The following PODXL variants were observed in gnomAD, a reference collection of about 807,000 sequenced individuals.
The protein encoded by PODXL is podocalyxin.
Under a neutral mutation model 48.9 loss-of-function variants are expected in PODXL, and 20 were observed. The observed-to-expected ratio is 0.41, with a 90% CI of 0.29 to 0.59. PODXL has a LOEUF of 0.59. Ranked by LOEUF, PODXL falls within the 20% of genes least tolerant of loss-of-function variation. The pLI is 0.31. For synonymous variants in PODXL, 295 were observed against 287.4 expected, an observed-to-expected ratio of 1.03 and a Z score of -0.27; for missense variants, 606 against 675.1, an observed-to-expected ratio of 0.90 and a Z score of 1.13.
intron 1 of PODXL, among the ~76,000 whole-genome samples, chr7:131,533,694 A>G (rs1444874836): frequency 6.6e-6 from 1 of 152,178 alleles, no homozygotes; most frequent in Non-Finnish European, 1.5e-5. Flanking sequence ...GGAGCAGGGC[A>G]CAGCACCCAA....
At chr7:131,544,850 C>G (rs181882258) in intron 1 of PODXL, among the ~76,000 whole-genome samples, 1 of 152,278 alleles carries the variant, frequency 6.6e-6, no homozygotes, top group East Asian at 1.9e-4. Flanking sequence ...CCACCAACTC[C>G]CAGGAACAAT....
At chr7:131,519,879 C>T (rs373751814) in intron 1 of PODXL, among the ~76,000 whole-genome samples, 2 of 152,022 alleles carry the variant, frequency 1.3e-5, no homozygotes, top group Non-Finnish European at 2.9e-5. Context: ...TGTACCACCA[C>T]GCTCAGCTAA....
In PODXL at chr7:131,530,990, G is replaced by A. The variant is rs375120415; in HGVS notation, c.101-19557C>T. ...GGAGAATCGCTTGAACCCGGGAGGCGGAGATTGCAGTGAGCCAAGATCGCA... is the reference window on the plus strand; with the variant it reads ...GGAGAATCGCTTGAACCCGGGAGGCAGAGATTGCAGTGAGCCAAGATCGCA... On this transcript the variant is annotated intron_variant, in intron 1 of 8. Transcript: ENST00000378555. Among the ~76,000 whole-genome samples the A allele has an allele frequency of 5.9e-5, 9 of 152,148 alleles. 1 individual carries two copies. Among genetic ancestry groups the A allele is most frequent in the Admixed American group, 1.3e-4 (2 of 15,292 alleles).
rs543890242 is a variant in PODXL at position 131,523,796 on chromosome 7, C to A, written c.101-12363G>T. On this transcript the variant is annotated intron_variant, in intron 1 of 8. Transcript: ENST00000378555. ...TTATATTTGCAGAAAAATCATCTAACAAATTTTTTTTTTTTTGAGATGGAG... is the reference window on the plus strand; with the variant it reads ...TTATATTTGCAGAAAAATCATCTAAAAAATTTTTTTTTTTTTGAGATGGAG... Among the ~76,000 whole-genome samples, 455 of 140,742 alleles carry A rather than the reference C, an allele frequency of 3.2e-3. 4 individuals are homozygous for A. Among genetic ancestry groups the A allele is most frequent in the South Asian group, 0.023 (105 of 4,470 alleles). 92.3% of individuals were successfully genotyped at this position (140,742 alleles called of 152,430 possible). A position where few individuals can be genotyped will look rare whatever the true frequency, so the allele number is the denominator to read the frequency against.
intron 1 of PODXL, among the ~76,000 whole-genome samples, chr7:131,519,729 T>A (rs1301424188): frequency 2.6e-5 from 4 of 152,134 alleles, no homozygotes; most frequent in Admixed American, 2.6e-4. Context: ...CAAATTTCTT[T>A]CTTTTTTTTA....
At chr7:131,530,840 C>T (rs1798267876) in intron 1 of PODXL, among the ~76,000 whole-genome samples, 1 of 151,786 alleles carries the variant, frequency 6.6e-6, no homozygotes, top group Non-Finnish European at 1.5e-5. Flanking sequence ...GGGTGGATCA[C>T]CTGAGGTCGG....
intron 1 of PODXL, among the ~76,000 whole-genome samples, chr7:131,525,561 T>C (rs1157643047): frequency 2.6e-5 from 4 of 151,264 alleles, no homozygotes; most frequent in Admixed American, 6.6e-5. Flanking sequence ...GATCGTGCCA[T>C]TGCATTCTAG....
rs1384797384 is a variant in PODXL, at chr7:131,502,251, A to G, written c.*2060T>C. ...AGCGCTGGGCAAGAAGGAAGCAAAC[A>G]CCTCACTCAAGCCTAACAAGATTTC... On this transcript the variant is annotated 3_prime_UTR_variant, in exon 9 of 9. Transcript: ENST00000378555. 1 of 152,122 alleles carries G rather than the reference A, an allele frequency of 6.6e-6. No homozygotes were observed. The highest frequency in any genetic ancestry group is 1.9e-4 in the East Asian group (1 of 5,186). 9.4% of individuals were successfully genotyped at this position (152,122 alleles called of 1,614,324 possible). A position where few individuals can be genotyped will look rare whatever the true frequency, so the allele number is the denominator to read the frequency against.
At chr7:131,542,273 C>T (rs1798495845) in intron 1 of PODXL, among the ~76,000 whole-genome samples, 1 of 152,202 alleles carries the variant, frequency 6.6e-6, no homozygotes, top group Non-Finnish European at 1.5e-5. Context: ...AGTCTGGCTA[C>T]CCTGCAAGGT....
At chr7:131,553,568 C>T (rs1015283340) in intron 1 of PODXL, among the ~76,000 whole-genome samples, 1 of 152,204 alleles carries the variant, frequency 6.6e-6, no homozygotes, top group Non-Finnish European at 1.5e-5. Flanking sequence ...TCATAGCAAC[C>T]CACAAGGTAG....
In PODXL at chr7:131,501,167, A is replaced by G. The variant is rs1797695916; in HGVS notation, c.*3144T>C. On this transcript the variant is annotated 3_prime_UTR_variant, in exon 9 of 9. Transcript: ENST00000378555. The stretch of plus-strand genomic sequence containing the variant: ...TACTTTATCATAAGTTTGTCTTGTT[A>G]TATTTCATTTTTTGTTTAAAAAAAA... 1 of 152,398 alleles carries G rather than the reference A, an allele frequency of 6.6e-6. No individual in the cohort carries two copies. The highest frequency in any genetic ancestry group is 1.5e-5 in the Non-Finnish European group (1 of 68,006). 9.4% of individuals were successfully genotyped at this position (152,398 alleles called of 1,614,324 possible).
At chr7:131,547,106 G>A (rs1798591186) in intron 1 of PODXL, among the ~76,000 whole-genome samples, 1 of 152,134 alleles carries the variant, frequency 6.6e-6, no homozygotes, top group Admixed American at 6.5e-5. Context: ...AGGTGCGGGT[G>A]GCTCACATCT....
At chr7:131,538,808 T>C (rs911477656) in intron 1 of PODXL, among the ~76,000 whole-genome samples, 2 of 152,160 alleles carry the variant, frequency 1.3e-5, no homozygotes, top group Non-Finnish European at 1.5e-5. Context: ...CCCCTGGAGC[T>C]TTGTACGTGG....
intron 1 of PODXL, among the ~76,000 whole-genome samples, chr7:131,550,559 T>G (rs962502655): frequency 6.6e-6 from 1 of 151,982 alleles, no homozygotes; most frequent in Admixed American, 6.6e-5. Context: ...GGCAGGAGGA[T>G]GTCTTGAATC....
intron 1 of PODXL, among the ~76,000 whole-genome samples, chr7:131,526,378 GATAA>G (rs1798186114): frequency 6.6e-6 from 1 of 151,882 alleles, no homozygotes; most frequent in African/African-American, 2.4e-5. Context: ...AGTCTAATCT[GATAA>G]ATAAATGATT....
intron 1 of PODXL, among the ~76,000 whole-genome samples, chr7:131,543,868 G>A (rs556865666): frequency 2.0e-5 from 3 of 152,114 alleles, no homozygotes; most frequent in Admixed American, 6.6e-5. Flanking sequence ...CATGAGAACA[G>A]CCCCCTCCAG....
Position 131,556,375 on chromosome 7 carries a change from G to C in PODXL, c.-16C>G. The C allele has an allele frequency of 2.2e-6, 3 of 1,379,568 alleles. No homozygotes were observed. Among genetic ancestry groups the C allele is most frequent in the Non-Finnish European group, 2.8e-6 (3 of 1,066,658 alleles). The allele number at this position is 1,379,568 out of a possible 1,614,324, so 85.5% of individuals were successfully genotyped here. ...CGCAGCGCATCGTGTCGTCGCCTCTGGGCCGGGAGCAGGTGGCTGCGGTGC... is the reference window on the plus strand; with the variant it reads ...CGCAGCGCATCGTGTCGTCGCCTCTCGGCCGGGAGCAGGTGGCTGCGGTGC... On this transcript the variant is annotated 5_prime_UTR_variant, in exon 1 of 9. Coordinates refer to ENST00000378555, the MANE Select transcript of PODXL (RefSeq NM_001018111.3).
chr7:131,522,650 G>A (rs1406405147), intron 1 of PODXL, among the ~76,000 whole-genome samples: 5 of 138,968 alleles, frequency 3.6e-5, no homozygotes, highest in South Asian at 2.1e-4. Context: ...ATAAACCTTC[G>A]CACTAAAGAC....
intron 1 of PODXL, among the ~76,000 whole-genome samples, chr7:131,531,740 C>T (rs1326848464): frequency 6.6e-6 from 1 of 152,172 alleles, no homozygotes; most frequent in Non-Finnish European, 1.5e-5. Context: ...TAGGGCCCAC[C>T]CACTTAAAAC....
Sources: gnomAD v4.1 joint callset for allele counts (sites outside exome capture counted in the v4.1 genomes callset) on GRCh38, gnomAD v4.1.1 for gene constraint, MANE v1.5 for transcripts, NCBI Gene and HGNC (gene_info 2026-07-23, HGNC 2026-07-21) for gene names.